CCNH: variants seen among roughly 807,000 people sequenced by gnomAD.
CCNH encodes cyclin-H.
In CCNH, 31 loss-of-function variants were observed where a neutral mutation model predicts 41.9. The ratio of observed to expected loss-of-function variants is 0.74; its 90% CI spans 0.56 to 1.00. The LOEUF is 1.00. Ranked by LOEUF, CCNH falls within the 50% of genes least tolerant of loss-of-function variation. The pLI, the probability that CCNH is intolerant of heterozygous loss-of-function variation, is 0.00. For missense variants in CCNH, 362 were observed against 388.4 expected (o/e 0.93, Z 0.57); for synonymous variants, 138 against 136.1 (o/e 1.01, Z -0.10).
chr5:87,317,291 T>C (rs1756417150), downstream of CCNH, among the ~76,000 whole-genome samples: 1 of 152,192 alleles, frequency 6.6e-6, no homozygotes. Context: ...CCTTAGCTGC[T>C]CTGCTTTGCC....
Position 87,408,147 on chromosome 5 carries a change from G to A in CCNH, c.354C>T (p.Phe118=). The A allele has an allele frequency of 6.7e-7, 1 of 1,481,650 alleles. No individual in the cohort carries two copies. The allele number at this position is 1,481,650 out of a possible 1,614,324, so 91.8% of individuals were successfully genotyped here. A position where few individuals can be genotyped will look rare whatever the true frequency, so the allele number is the denominator to read the frequency against. ...CAFLACKVDE[F]NVSSPQFVGN... ...CAACAAACTGAGGACTAGATACATT[G>A]AATTCATCTACTTTGCAGGCCAAAA... Residue 118 remains phenylalanine (F), a synonymous_variant, in exon 4 of 9, where the codon TTC becomes TTT. Transcript: ENST00000256897.
At chr5:87,350,567 G>T (rs7712333) in intron 9 of CCNH, among the ~76,000 whole-genome samples, 1,791 of 151,598 alleles carry the variant, frequency 0.012, 28 homozygotes, top group African/African-American at 0.041. Flanking sequence ...ACACAAAACT[G>T]GAAATTCTTC....
chr5:87,388,503 T>C (rs763170432), downstream of CCNH, among the ~76,000 whole-genome samples: 1 of 152,202 alleles, frequency 6.6e-6, no homozygotes, highest in Non-Finnish European at 1.5e-5. Context: ...GATTTTTGGA[T>C]TGGGGATGCT....
chr5:87,380,805 A>G (rs562169527), upstream of CCNH, among the ~76,000 whole-genome samples: 1 of 152,292 alleles, frequency 6.6e-6, no homozygotes, highest in East Asian at 1.9e-4. Flanking sequence ...ATGAACATTC[A>G]TTTATAGTCA....
At chr5:87,346,891 A>C (rs1186344298) in intron 9 of CCNH, among the ~76,000 whole-genome samples, 1 of 152,048 alleles carries the variant, frequency 6.6e-6, no homozygotes, top group African/African-American at 2.4e-5. Flanking sequence ...TTTTAAACAT[A>C]CATGTGTTAT....
At chr5:87,403,361 T>C (rs1041152133) in intron 5 of CCNH, among the ~76,000 whole-genome samples, 3 of 152,214 alleles carry the variant, frequency 2.0e-5, no homozygotes, top group Non-Finnish European at 4.4e-5. Flanking sequence ...ACTTCTAAGA[T>C]GAAATAAATT....
chr5:87,322,032 G>A lies in CCNH; in HGVS notation c.*91-3135C>T, dbSNP rs561912118. Among the ~76,000 whole-genome samples, 207 of 152,226 alleles carry A rather than the reference G, an allele frequency of 1.4e-3. 1 individual carries two copies. Among genetic ancestry groups the A allele is most frequent in the Non-Finnish European group, 1.9e-3 (129 of 68,004 alleles). On this transcript the variant is annotated intron_variant and NMD_transcript_variant, in intron 9 of 9. Coordinates refer to the CCNH transcript ENST00000645953. ...TGAATGTGTGTCCCCTCCAAATCTC[G>A]TATTTAATGAGACCTCCATTGTTGG...
intron 9 of CCNH, chr5:87,333,400 C>T (rs965962347): frequency 1.3e-6 from 2 of 1,591,884 alleles, no homozygotes; most frequent in African/African-American, 2.7e-5. Context: ...AGATTTATTA[C>T]TCTTGGACTA....
At chr5:87,377,298 A>G (rs376458895), upstream of CCNH, 40 of 486,076 alleles carry the variant, frequency 8.2e-5, no homozygotes, top group Non-Finnish European at 1.2e-4. Context: ...GTCTACATCA[A>G]TGGCTTGACT....
At chr5:87,323,230 A>T (rs1045554896) in intron 9 of CCNH, among the ~76,000 whole-genome samples, 2 of 152,312 alleles carry the variant, frequency 1.3e-5, no homozygotes, top group African/African-American at 4.8e-5. Flanking sequence ...TTATTTTTTT[A>T]AAAAAGTTAA....
chr5:87,362,677 T>G (rs1352575365), intron 9 of CCNH: 1 of 1,603,970 alleles, frequency 6.2e-7, no homozygotes, highest in Non-Finnish European at 8.5e-7. Flanking sequence ...AAAGGGTAAG[T>G]TCAGACTTTT....
chr5:87,366,177 T>A (rs560327684), intron 9 of CCNH, among the ~76,000 whole-genome samples: 69 of 152,278 alleles, frequency 4.5e-4, no homozygotes, highest in Non-Finnish European at 9.1e-4. Flanking sequence ...TCTTGACAGT[T>A]TATGGATTTA....
downstream of CCNH, among the ~76,000 whole-genome samples, chr5:87,313,503 C>T (rs62368945): frequency 9.8e-3 from 1,494 of 152,214 alleles, 12 homozygotes; most frequent in Non-Finnish European, 0.015. Flanking sequence ...TCCACATAGG[C>T]AGGACTTTTT....
chr5:87,380,979 T>C (rs1194451564), upstream of CCNH, among the ~76,000 whole-genome samples: 1 of 152,230 alleles, frequency 6.6e-6, no homozygotes, highest in East Asian at 1.9e-4. Context: ...TTTGTTACAA[T>C]CTGTGACTCT....
intron 9 of CCNH, among the ~76,000 whole-genome samples, chr5:87,382,328 G>C (rs927628294): frequency 1.3e-5 from 2 of 152,130 alleles, no homozygotes; most frequent in African/African-American, 4.8e-5. Context: ...TAGCAAACAG[G>C]TACATGTTCA....
At chr5:87,389,442 C>T (rs1324971631), downstream of CCNH, 2 of 1,614,140 alleles carry the variant, frequency 1.2e-6, no homozygotes, top group Non-Finnish European at 1.7e-6. Context: ...ACGGACCTGT[C>T]CCGTGATTTA....
chr5:87,369,127 C>T (rs1760741195), intron 9 of CCNH, among the ~76,000 whole-genome samples: 1 of 152,106 alleles, frequency 6.6e-6, no homozygotes, highest in Non-Finnish European at 1.5e-5. Context: ...ACAGAAGTAA[C>T]ATTTATTGAG....
exon 1 of CCNH, chr5:87,376,805 C>G (rs1437453221): frequency 2.8e-6 from 4 of 1,421,382 alleles, no homozygotes; most frequent in African/African-American, 1.4e-5. Context: ...TGTGAAAGAA[C>G]ATATTTCTTG....
downstream of CCNH, chr5:87,393,639 T>C (rs1174112000): frequency 6.6e-6 from 1 of 152,184 alleles, no homozygotes; most frequent in African/African-American, 2.4e-5. Context: ...TGTTATAATC[T>C]ACTTACACGG....
Sources: allele counts gnomAD v4.1 joint callset (sites outside exome capture counted in the v4.1 genomes callset), GRCh38; gene constraint gnomAD v4.1.1; transcripts MANE v1.5; gene names NCBI Gene and HGNC (gene_info 2026-07-23, HGNC 2026-07-21).